Variants in THSD7B observed in about 807,000 individuals in gnomAD.
THSD7B encodes the protein thrombospondin type-1 domain-containing protein 7B.
THSD7B carries 138 observed loss-of-function variants against 213.6 expected under a neutral mutation model. That is an observed-to-expected ratio of 0.65 (90% CI 0.56 to 0.74). The LOEUF is 0.74. Ranked by LOEUF, THSD7B falls within the 30% of genes least tolerant of loss-of-function variation. THSD7B has a pLI of 0.00. For missense variants in THSD7B, 1,931 were observed against 1,991.5 expected (o/e 0.97, Z 0.58); for synonymous variants, 742 against 687.0 (o/e 1.08, Z -1.25).
At chr2:136,791,585 T>A (rs1252633203) in intron 1 of THSD7B, among the ~76,000 whole-genome samples, 1 of 150,288 alleles carries the variant, frequency 6.7e-6, no homozygotes, top group Non-Finnish European at 1.5e-5. Flanking sequence ...ATCTACTTTC[T>A]GTTCCTATAG....
At chr2:137,547,219 C>T (rs1680758381) in intron 15 of THSD7B, among the ~76,000 whole-genome samples, 1 of 152,034 alleles carries the variant, frequency 6.6e-6, no homozygotes, top group Admixed American at 6.6e-5. Context: ...TCAGGCTGTG[C>T]CATCCTTGGT....
chr2:137,577,110 T>G (rs774560422), intron 17 of THSD7B, among the ~76,000 whole-genome samples: 1 of 152,122 alleles, frequency 6.6e-6, no homozygotes, highest in Non-Finnish European at 1.5e-5. Context: ...ATGAGAATGA[T>G]GATAACTTTC....
At chr2:137,536,129 C>T (rs1680501183) in intron 15 of THSD7B, among the ~76,000 whole-genome samples, 1 of 149,790 alleles carries the variant, frequency 6.7e-6, no homozygotes, top group Admixed American at 6.6e-5. Context: ...CAGTGGTTTC[C>T]ATACTCATGG....
At chr2:137,152,639 A>C (rs1447112592) in intron 5 of THSD7B, among the ~76,000 whole-genome samples, 1 of 152,228 alleles carries the variant, frequency 6.6e-6, no homozygotes. Flanking sequence ...AATGCCTATT[A>C]GCTATTAATA....
chr2:137,433,162 T>C (rs185104186), intron 14 of THSD7B, among the ~76,000 whole-genome samples: 136 of 152,196 alleles, frequency 8.9e-4, no homozygotes, highest in Non-Finnish European at 1.8e-3. Flanking sequence ...AGCAGGGCGC[T>C]GTAAGATAAT....
intron 16 of THSD7B, among the ~76,000 whole-genome samples, chr2:137,564,986 G>C (rs1681205038): frequency 6.6e-6 from 1 of 152,122 alleles, no homozygotes; most frequent in Admixed American, 6.6e-5. Flanking sequence ...TAAGGTTATT[G>C]GTGTGGGCCC....
intron 5 of THSD7B, among the ~76,000 whole-genome samples, chr2:137,122,429 G>A (rs953118238): frequency 1.3e-5 from 2 of 152,072 alleles, no homozygotes; most frequent in South Asian, 2.1e-4. Context: ...GGTTTAAACA[G>A]GTGTTCATAT....
chr2:137,444,788 A>T (rs1687492537), intron 14 of THSD7B, among the ~76,000 whole-genome samples: 1 of 152,076 alleles, frequency 6.6e-6, no homozygotes. Flanking sequence ...CCAGCTAAAA[A>T]GTTTCTGCAC....
At chr2:137,143,167 A>G (rs963644944) in intron 5 of THSD7B, among the ~76,000 whole-genome samples, 3 of 152,132 alleles carry the variant, frequency 2.0e-5, no homozygotes, top group African/African-American at 7.2e-5. Flanking sequence ...CTTTTTCAGA[A>G]TTTCTCAACA....
At chr2:137,516,568 G>A (rs72844511) in intron 15 of THSD7B, among the ~76,000 whole-genome samples, 11,700 of 152,194 alleles carry the variant, frequency 0.077, 667 homozygotes, top group Non-Finnish European at 0.12. Flanking sequence ...CCAAAACGTC[G>A]TTGTGGTTCT....
At chr2:137,439,788 AT>A (rs1008216546) in intron 14 of THSD7B, among the ~76,000 whole-genome samples, 23 of 152,004 alleles carry the variant, frequency 1.5e-4, no homozygotes, top group East Asian at 9.6e-4. Flanking sequence ...TTCGAGGTAC[AT>A]TTTTTTTGTC....
At chr2:137,530,303 T>G (rs576189786) in intron 15 of THSD7B, among the ~76,000 whole-genome samples, 2 of 152,040 alleles carry the variant, frequency 1.3e-5, no homozygotes, top group Admixed American at 1.3e-4. Flanking sequence ...GCCTCATACC[T>G]CTATTAAATC....
intron 14 of THSD7B, among the ~76,000 whole-genome samples, chr2:137,424,118 GA>G (rs70978220): frequency 0.57 from 87,036 of 151,784 alleles, 27,550 homozygotes; most frequent in East Asian, 0.77. Context: ...ATATGCCAAT[GA>G]ATGTAGCTTG....
intron 15 of THSD7B, among the ~76,000 whole-genome samples, chr2:137,466,726 A>G (rs1288134875): frequency 6.6e-6 from 1 of 152,158 alleles, no homozygotes; most frequent in Non-Finnish European, 1.5e-5. Flanking sequence ...TTTGCAACTA[A>G]AAGAAACCTT....
chr2:136,880,990 A>G (rs1460089155), intron 1 of THSD7B, among the ~76,000 whole-genome samples: 1 of 151,950 alleles, frequency 6.6e-6, no homozygotes, highest in Non-Finnish European at 1.5e-5. Context: ...ATCTTAGTCC[A>G]TTCCTCCCTC....
intron 10 of THSD7B, 91 bp downstream of exon 10, chr2:137,242,663 C>A: frequency 1.5e-6 from 1 of 649,972 alleles, no homozygotes; most frequent in Non-Finnish European, 2.4e-6. Flanking sequence ...ATGTGAGCAC[C>A]TTTTTTTTTT....
chr2:137,021,781 GTTCT>G (rs1686450148), intron 2 of THSD7B, among the ~76,000 whole-genome samples: 1 of 152,022 alleles, frequency 6.6e-6, no homozygotes, highest in Non-Finnish European at 1.5e-5. Context: ...CCACTAATCC[GTTCT>G]TTATTTCTAT....
chr2:137,238,917 G>A (rs1681838375), intron 9 of THSD7B, among the ~76,000 whole-genome samples: 1 of 150,614 alleles, frequency 6.6e-6, no homozygotes, highest in Admixed American at 6.6e-5. Flanking sequence ...GATGATTTGT[G>A]TGTATATATG....
At chr2:137,151,701 GTATTATA>G (rs1679822788) in intron 5 of THSD7B, among the ~76,000 whole-genome samples, 1 of 152,088 alleles carries the variant, frequency 6.6e-6, no homozygotes, top group Non-Finnish European at 1.5e-5. Context: ...TTATTATCAA[GTATTATA>G]TATTGTACAT....
Sources: allele counts gnomAD v4.1 joint callset (sites outside exome capture counted in the v4.1 genomes callset), GRCh38; gene constraint gnomAD v4.1.1; transcripts MANE v1.5; gene names NCBI Gene and HGNC (gene_info 2026-07-23, HGNC 2026-07-21).